The following ABCD3 variants were observed in gnomAD, a reference collection of about 807,000 sequenced individuals.
The protein encoded by ABCD3 is ATP binding cassette subfamily D member 3.
A neutral mutation model predicts 105.5 loss-of-function variants in ABCD3; 41 were observed. That is an observed-to-expected ratio of 0.39 (90% CI 0.30 to 0.50). The LOEUF (loss-of-function observed/expected upper bound fraction) is 0.50, where lower values mean the gene tolerates loss of function less well. Among genes scored for constraint, ABCD3 ranks in the 20% least tolerant of loss-of-function variants. The pLI is 0.84. For missense variants in ABCD3, 622 were observed against 806.3 expected, an observed-to-expected ratio of 0.77 and a Z score of 2.77; for synonymous variants, 258 against 269.0, an observed-to-expected ratio of 0.96 and a Z score of 0.40.
At chr1:94,429,407 GA>G (rs1659590095) in intron 1 of ABCD3, among the ~76,000 whole-genome samples, 1 of 152,278 alleles carries the variant, frequency 6.6e-6, no homozygotes, top group Admixed American at 6.5e-5. Flanking sequence ...AGACAATGGG[GA>G]AAATGTCTCC....
At position 94,442,036 on chromosome 1, in the gene ABCD3, A is replaced by C. The variant is rs189773993; in HGVS notation, c.111-16571A>C. ...AAGTCTTTGTTTTTAGAATGTAAAC[A>C]CTGAAATATTTAGAAGTAACAATCT... is the stretch of plus-strand genomic sequence containing the variant. On this transcript the variant is annotated intron_variant, in intron 1 of 22. Coordinates refer to ENST00000370214, the MANE Select transcript of ABCD3 (RefSeq NM_002858.4). 1.7e-3 allele frequency among the ~76,000 whole-genome samples: 263 copies of C among 152,310 alleles called. 1 individual carries two copies. The highest frequency in any genetic ancestry group is 6.2e-3 in the African/African-American group (257 of 41,564).
intron 22 of ABCD3, among the ~76,000 whole-genome samples, chr1:94,515,696 C>G (rs1298914821): frequency 1.3e-5 from 2 of 151,926 alleles, no homozygotes; most frequent in Non-Finnish European, 2.9e-5. Context: ...CATTGGTGCA[C>G]GTGTATTACT....
the ABCD3 span, among the ~76,000 whole-genome samples, chr1:94,390,283 T>C: frequency 2.0e-5 from 3 of 152,076 alleles, no homozygotes; most frequent in African/African-American, 7.2e-5. Context: ...CCTGCACTTA[T>C]TAATTTTTTT....
At chr1:94,439,802 A>G (rs1049394116) in intron 1 of ABCD3, among the ~76,000 whole-genome samples, 4 of 152,136 alleles carry the variant, frequency 2.6e-5, no homozygotes, top group African/African-American at 7.2e-5. Context: ...TTTTATCACC[A>G]CATTTGTAAG....
At position 94,418,453 on chromosome 1, in the gene ABCD3, G is replaced by T; in HGVS notation, c.-26G>T. ...GCCGCCGCCGCCGCCGCGTCCCCTC[G>T]CCGGCTCGCTGGTACCGGCAGTGCC... On this transcript the variant is annotated 5_prime_UTR_variant, in exon 1 of 23. Coordinates refer to ENST00000370214, the MANE Select transcript of ABCD3 (RefSeq NM_002858.4). 6.4e-7 allele frequency: 1 copy of T among 1,565,162 alleles called. No individual in the cohort carries two copies. The highest frequency in any genetic ancestry group is 8.6e-7 in the Non-Finnish European group (1 of 1,156,422).
intron 1 of ABCD3, among the ~76,000 whole-genome samples, chr1:94,448,391 A>G (rs1215978524): frequency 1.3e-5 from 2 of 152,264 alleles, no homozygotes; most frequent in Non-Finnish European, 2.9e-5. Context: ...TTTGAAATGA[A>G]CTAATTGGAT....
chr1:94,478,393 C>A, intron 8 of ABCD3, 78 bp downstream of exon 8: 1 of 1,240,940 alleles, frequency 8.1e-7, no homozygotes, highest in Non-Finnish European at 1.2e-6. Flanking sequence ...GCTTGATGGC[C>A]TGTAAGAATT....
chr1:94,512,483 C>T (rs1650725384), intron 21 of ABCD3, among the ~76,000 whole-genome samples: 1 of 151,490 alleles, frequency 6.6e-6, no homozygotes, highest in South Asian at 2.1e-4. Context: ...TATAAAACAA[C>T]GTATTTAAAT....
At chr1:94,435,803 A>G (rs1659881134) in intron 1 of ABCD3, among the ~76,000 whole-genome samples, 1 of 152,180 alleles carries the variant, frequency 6.6e-6, no homozygotes, top group African/African-American at 2.4e-5. Flanking sequence ...TAATATGTTA[A>G]TTTCGTGTTA....
rs569228530 is a variant in ABCD3 at position 94,506,352 on chromosome 1, A to G, written c.1741-186A>G. Among the ~76,000 whole-genome samples the G allele has an allele frequency of 5.9e-5, 9 of 152,332 alleles. No individual in the cohort carries two copies. The South Asian group carries it at 1.4e-3, about 25-fold the overall frequency. ...ATGAAGTACGTTTTTCCCTTTGTTC[A>G]GGATGACAGCAAAAACAGTTATGTT... On this transcript the variant is annotated intron_variant, in intron 20 of 22. Transcript: ENST00000370214.
intron 2 of ABCD3, among the ~76,000 whole-genome samples, chr1:94,462,222 T>A (rs2100969558): frequency 6.6e-6 from 1 of 152,302 alleles, no homozygotes; most frequent in African/African-American, 2.4e-5. Flanking sequence ...ATTGGGAAGT[T>A]TAGAAGTGGG....
At chr1:94,497,698 A>G (rs963173053) in intron 16 of ABCD3, among the ~76,000 whole-genome samples, 17 of 152,256 alleles carry the variant, frequency 1.1e-4, no homozygotes, top group African/African-American at 4.1e-4. Context: ...AATCTACAGA[A>G]ACATTGCTTA....
At chr1:94,406,335 G>A in the ABCD3 span, 1 of 176,066 alleles carries the variant, frequency 5.7e-6, no homozygotes, top group East Asian at 1.5e-4. Context: ...ATAGTATTTT[G>A]TTTTGTTTTT....
At chr1:94,461,255 AT>A (rs1223137607) in intron 2 of ABCD3, among the ~76,000 whole-genome samples, 2 of 152,018 alleles carry the variant, frequency 1.3e-5, no homozygotes, top group African/African-American at 4.8e-5. Context: ...AACTTAACGT[AT>A]TTTTTTGGTA....
Position 94,489,927 on chromosome 1 carries a change from C to G in ABCD3, c.1274C>G (p.Pro425Arg). The G allele has an allele frequency of 6.2e-7, 1 of 1,613,026 alleles. No homozygotes were observed. The highest frequency in any genetic ancestry group is 1.7e-5 in the Admixed American group (1 of 59,962). The part of the protein sequence containing the change: ...EKGIEGVQVI[P>R]LIPGAGEIII... ...GGTATTGAAGGAGTACAAGTCATTCCCTTGATACCTGGTGCTGGAGAAATC... is the reference window on the plus strand; with the variant it reads ...GGTATTGAAGGAGTACAAGTCATTCGCTTGATACCTGGTGCTGGAGAAATC... Residue 425 changes from proline to arginine, a missense_variant, in exon 15 of 23, where the codon CCC becomes CGC. Coordinates refer to ENST00000370214, the MANE Select transcript of ABCD3 (RefSeq NM_002858.4).
the ABCD3 span, among the ~76,000 whole-genome samples, chr1:94,389,720 C>A: frequency 6.6e-6 from 1 of 152,144 alleles, no homozygotes; most frequent in Non-Finnish European, 1.5e-5. Flanking sequence ...TCTTCTAGTG[C>A]CCCTGGGTTA....
chr1:94,437,724 A>G (rs991821018), intron 1 of ABCD3, among the ~76,000 whole-genome samples: 8 of 152,206 alleles, frequency 5.3e-5, no homozygotes, highest in African/African-American at 1.9e-4. Flanking sequence ...GTTTCCATAG[A>G]TAGTTATCTC....
chr1:94,391,545 C>G, the ABCD3 span, among the ~76,000 whole-genome samples: 14 of 152,166 alleles, frequency 9.2e-5, no homozygotes, highest in Non-Finnish European at 1.8e-4. Context: ...CTAGGAATCT[C>G]AATTCCATGG....
Position 94,464,650 on chromosome 1 carries a change from T to A in ABCD3, c.148-125T>A, listed in dbSNP as rs985640649. 9 of 815,638 alleles carry A rather than the reference T, an allele frequency of 1.1e-5. No homozygotes were observed. The Admixed American group carries it at 1.8e-4, about 16-fold the overall frequency. 50.5% of individuals were successfully genotyped at this position (815,638 alleles called of 1,614,324 possible). The stretch of plus-strand genomic sequence containing the variant: ...GAGGAGCAGTGTAAGTATGCAAGTC[T>A]GTGTTTTGTAAATTCAGTTTTTATC... On this transcript the variant is annotated intron_variant, in intron 2 of 22. Coordinates refer to ENST00000370214, the MANE Select transcript of ABCD3 (RefSeq NM_002858.4).
Sources: gnomAD v4.1 joint callset for allele counts (sites outside exome capture counted in the v4.1 genomes callset) on GRCh38, gnomAD v4.1.1 for gene constraint, MANE v1.5 for transcripts, NCBI Gene and HGNC (gene_info 2026-07-23, HGNC 2026-07-21) for gene names.